The following ERH variants were observed in gnomAD, a reference collection of about 807,000 sequenced individuals.
ERH encodes the protein ERH mRNA splicing and mitosis factor.
In ERH, 1 loss-of-function variant was observed where a neutral mutation model predicts 16.8. The observed-to-expected ratio is 0.06, with a 90% CI of 0.02 to 0.28. The LOEUF (loss-of-function observed/expected upper bound fraction) is 0.28. ERH is among the 10% of genes least tolerant of loss of function. ERH has a pLI of 1.00. For missense variants in ERH, 42 were observed against 127.5 expected, an observed-to-expected ratio of 0.33 and a Z score of 3.23; for synonymous variants, 43 against 43.6, an observed-to-expected ratio of 0.99 and a Z score of 0.05.
At chr14:69,387,482 T>C (rs2045899396) in intron 2 of ERH, among the ~76,000 whole-genome samples, 1 of 152,158 alleles carries the variant, frequency 6.6e-6, no homozygotes, top group Non-Finnish European at 1.5e-5. Context: ...ATCACTTGGC[T>C]GCAGTGAGCC....
intron 1 of ERH, among the ~76,000 whole-genome samples, chr14:69,395,169 C>T (rs113528534): frequency 4.6e-5 from 7 of 151,950 alleles, no homozygotes; most frequent in South Asian, 2.1e-4. Flanking sequence ...TAAAATTTGC[C>T]GGGTGCATGC....
At chr14:69,387,178 ATTTAC>A in intron 2 of ERH, 95 bp from the exon 3 acceptor site, 1 of 958,296 alleles carries the variant, frequency 1.0e-6, no homozygotes, top group East Asian at 2.6e-5. Context: ...TTGATATCAT[ATTTAC>A]TTTAATAAAG....
chr14:69,381,501 A>G (rs2045863426), intron 3 of ERH, among the ~76,000 whole-genome samples: 1 of 152,128 alleles, frequency 6.6e-6, no homozygotes, highest in Non-Finnish European at 1.5e-5. Context: ...GCTCCAAAAT[A>G]TCTCTAATCA....
chr14:69,384,529 A>G (rs1350310248), intron 3 of ERH, among the ~76,000 whole-genome samples: 2 of 152,218 alleles, frequency 1.3e-5, no homozygotes, highest in Non-Finnish European at 2.9e-5. Context: ...CTTCCCACTT[A>G]CTGGGAGTAA....
intron 2 of ERH, among the ~76,000 whole-genome samples, chr14:69,393,786 C>T (rs556878553): frequency 2.3e-4 from 35 of 152,278 alleles, no homozygotes; most frequent in African/African-American, 8.4e-4. Context: ...CTTTGGGAGG[C>T]TAAGGCAGGA....
chr14:69,384,877 C>T (rs936394753), intron 3 of ERH, among the ~76,000 whole-genome samples: 7 of 152,244 alleles, frequency 4.6e-5, no homozygotes, highest in Admixed American at 1.3e-4. Context: ...AACACTTAGG[C>T]CTCCCAATTC....
Position 69,398,285 on chromosome 14 carries a change from G to T in ERH, c.-52C>A, listed in dbSNP as rs746981400. 24 of 1,613,266 alleles carry T rather than the reference G, an allele frequency of 1.5e-5. No individual in the cohort carries two copies. The East Asian group carries it at 4.5e-4, about 30-fold the overall frequency. On this transcript the variant is annotated 5_prime_UTR_variant, in exon 1 of 4. Transcript: ENST00000557016. ...GCTGCCGACACCGCCGCCGTTACAC[G>T]AGCTTAACTACAACGCCGCTAACAG...
At chr14:69,382,794 GAA>G (rs57755714) in intron 3 of ERH, among the ~76,000 whole-genome samples, 2 of 120,072 alleles carry the variant, frequency 1.7e-5, no homozygotes. Context: ...ATCTCCAAAA[GAA>G]AAAAAAAAAA....
intron 2 of ERH, among the ~76,000 whole-genome samples, chr14:69,390,052 C>A (rs2045915335): frequency 1.3e-5 from 2 of 151,904 alleles, no homozygotes; most frequent in Non-Finnish European, 2.9e-5. Flanking sequence ...AGCCACCACG[C>A]CATGCAGAAA....
intron 2 of ERH, among the ~76,000 whole-genome samples, chr14:69,391,774 G>A (rs1368341668): frequency 2.0e-5 from 3 of 151,370 alleles, no homozygotes; most frequent in African/African-American, 7.3e-5. Context: ...TACAGATATG[G>A]TAAAAAGATC....
chr14:69,395,154 A>G (rs901873700), intron 1 of ERH, among the ~76,000 whole-genome samples: 1 of 152,136 alleles, frequency 6.6e-6, no homozygotes, highest in African/African-American at 2.4e-5. Flanking sequence ...GTCTCTACAA[A>G]AAAATAAAAT....
At chr14:69,392,217 A>G (rs866146429) in intron 2 of ERH, among the ~76,000 whole-genome samples, 1 of 152,084 alleles carries the variant, frequency 6.6e-6, no homozygotes, top group Non-Finnish European at 1.5e-5. Context: ...AAGAAAAAAA[A>G]AAAAAGAATA....
chr14:69,384,943 T>C (rs1447579104), intron 3 of ERH, among the ~76,000 whole-genome samples: 1 of 152,196 alleles, frequency 6.6e-6, no homozygotes, highest in African/African-American at 2.4e-5. Context: ...GCCAGATCCC[T>C]AGACCTTGTC....
chr14:69,396,878 A>G (rs1231193048), intron 1 of ERH, among the ~76,000 whole-genome samples: 2 of 152,250 alleles, frequency 1.3e-5, no homozygotes, highest in East Asian at 3.8e-4. Context: ...AAGTCTTTGT[A>G]AGCTAGCTAC....
chr14:69,382,699 C>T (rs1487478080), intron 3 of ERH, among the ~76,000 whole-genome samples: 6 of 149,556 alleles, frequency 4.0e-5, no homozygotes, highest in Non-Finnish European at 5.9e-5. Context: ...ATTAGCTGGG[C>T]GTGGTGGCGC....
intron 2 of ERH, among the ~76,000 whole-genome samples, chr14:69,387,796 G>C (rs1207899648): frequency 6.6e-6 from 1 of 151,994 alleles, no homozygotes; most frequent in Non-Finnish European, 1.5e-5. Flanking sequence ...TGTAATCCCA[G>C]CACTTTGGGA....
chr14:69,389,257 C>T (rs1235563193), intron 2 of ERH, among the ~76,000 whole-genome samples: 2 of 152,158 alleles, frequency 1.3e-5, no homozygotes, highest in African/African-American at 4.8e-5. Flanking sequence ...GAACTCTTGA[C>T]CTCAGGTGAT....
intron 1 of ERH, 45 bp downstream of exon 1, chr14:69,398,186 G>A (rs1379977216): frequency 1.9e-6 from 3 of 1,613,552 alleles, no homozygotes; most frequent in Non-Finnish European, 2.5e-6. Flanking sequence ...GGTCGCTCTG[G>A]AGGCCGGGGA....
intron 2 of ERH, among the ~76,000 whole-genome samples, chr14:69,390,667 A>C (rs1288167748): frequency 2.0e-5 from 3 of 152,212 alleles, no homozygotes; most frequent in Admixed American, 1.3e-4. Context: ...AAAATATGCA[A>C]GTTAAAGTTT....
Sources: gnomAD v4.1 joint callset for allele counts (sites outside exome capture counted in the v4.1 genomes callset) on GRCh38, gnomAD v4.1.1 for gene constraint, MANE v1.5 for transcripts, NCBI Gene and HGNC (gene_info 2026-07-23, HGNC 2026-07-21) for gene names.